Variants in SIM2 observed in about 807,000 individuals in gnomAD.
SIM2 encodes SIM bHLH transcription factor 2.
A neutral mutation model predicts 64.8 loss-of-function variants in SIM2; 28 were observed. That is an observed-to-expected ratio of 0.43 (90% confidence interval 0.32 to 0.59). SIM2 has a LOEUF of 0.59. Ranked by LOEUF, SIM2 falls within the 20% of genes least tolerant of loss-of-function variation. The pLI is 0.07. For synonymous variants in SIM2, 408 were observed against 391.1 expected (o/e 1.04, Z -0.51); for missense variants, 847 against 871.4 (o/e 0.97, Z 0.35).
In SIM2 at chr21:36,748,136, G is replaced by T; in HGVS notation, c.*44G>T. The T allele has an allele frequency of 9.0e-7, 1 of 1,105,122 alleles. No homozygotes were observed. The highest frequency in any genetic ancestry group is 3.9e-5 in the East Asian group (1 of 25,650). 68.5% of individuals were successfully genotyped at this position (1,105,122 alleles called of 1,614,324 possible). On this transcript the variant is annotated 3_prime_UTR_variant, in exon 11 of 11. Transcript: ENST00000290399. ...CAGGAGCCTGGACCCGGCCTCCCGG[G>T]GCTGCGGCGCCACCGAGCCCGGCAA...
chr21:36,747,738 C>T lies in SIM2; in HGVS notation c.1650C>T (p.Arg550=), dbSNP rs1262452596. 5 of 1,233,314 alleles carry T rather than the reference C, an allele frequency of 4.1e-6. No individual in the cohort carries two copies. The highest frequency in any genetic ancestry group is 5.1e-6 in the Non-Finnish European group (5 of 985,934). The allele number at this position is 1,233,314 out of a possible 1,614,324, so 76.4% of individuals were successfully genotyped here. The change falls in exon 11 of 11, where the codon CGC becomes CGT. Residue 550 remains arginine, a synonymous_variant. Transcript: ENST00000290399. This position sits in a 1 kb window ranked among gnomAD's most constrained non-coding sequence, Gnocchi z 4.5. ...GCTTCCCGAGCTGCGGCCACTACCGCGAGGAGCCCGCGCTGGGCCCGGCCA... is the reference window on the plus strand; with the variant it reads ...GCTTCCCGAGCTGCGGCCACTACCGTGAGGAGCCCGCGCTGGGCCCGGCCA... ...PPSFPSCGHY[R]EEPALGPAKA...
rs75177446 is a variant in SIM2, at chr21:36,741,909, C to G, written c.998+45C>G. 9.8e-4 allele frequency: 1,469 copies of G among 1,503,188 alleles called. 17 individuals carry two copies. In the African/African-American group the frequency reaches 0.018, roughly 19 times the overall value. The allele number at this position is 1,503,188 out of a possible 1,614,324, so 93.1% of individuals were successfully genotyped here. ...TTCTCTCCTTGCTCTTTTCTCTTCC[C>G]TGTCCCACATCGGATGGCTCCAATA... is the stretch of plus-strand genomic sequence containing the variant. On this transcript the variant is annotated intron_variant, in intron 8 of 10. Transcript: ENST00000290399.
chr21:36,724,024 C>A lies in SIM2; in HGVS notation c.543+894C>A, dbSNP rs181156888. On this transcript the variant is annotated intron_variant, in intron 5 of 10. Transcript: ENST00000290399. ...CTGAAAGCTGCCAGAAACTTTCTTCCAGGAGGATTTGTCTCTTAGAAAAGA... is the reference window on the plus strand; with the variant it reads ...CTGAAAGCTGCCAGAAACTTTCTTCAAGGAGGATTTGTCTCTTAGAAAAGA... 2.9e-3 allele frequency among the ~76,000 whole-genome samples: 447 copies of A among 152,310 alleles called. 2 individuals carry two copies. Among genetic ancestry groups the A allele is most frequent in the South Asian group, 9.1e-3 (44 of 4,828 alleles).
At position 36,742,587 on chromosome 21, in the gene SIM2, A is replaced by C. The variant is rs141465475; in HGVS notation, c.998+723A>C. On this transcript the variant is annotated intron_variant, in intron 8 of 10. Transcript: ENST00000290399. ...AATACTTTTAAGGCCATTAGAAGCAATAGGACAGATGTCTATCTGGGGCCA... is the reference window on the plus strand; with the variant it reads ...AATACTTTTAAGGCCATTAGAAGCACTAGGACAGATGTCTATCTGGGGCCA... Among the ~76,000 whole-genome samples, 165 of 152,228 alleles carry C rather than the reference A, an allele frequency of 1.1e-3. 1 individual carries two copies. The highest frequency in any genetic ancestry group is 3.8e-3 in the African/African-American group (157 of 41,524).
chr21:36,747,975 C>T lies in SIM2; in HGVS notation c.1887C>T (p.Pro629=), dbSNP rs1318964810. Residue 629 remains proline (P), a synonymous_variant, in exon 11 of 11, where the codon CCC becomes CCT. Transcript: ENST00000290399. The surrounding 1 kb of genome is among the most constrained non-coding windows in gnomAD (Gnocchi z 4.5). ...ASGLACAPGG[P]EAATGALRLR... ...GCCTGGCCTGCGCTCCCGGCGGCCC[C>T]GAGGCGGCGACCGGCGCGCTGCGGC... is the stretch of plus-strand genomic sequence containing the variant. The T allele has an allele frequency of 9.7e-6, 10 of 1,027,616 alleles. No individual in the cohort carries two copies. Among genetic ancestry groups the T allele is most frequent in the African/African-American group, 3.5e-5 (2 of 57,740 alleles). 63.7% of individuals were successfully genotyped at this position (1,027,616 alleles called of 1,614,324 possible). A position where few individuals can be genotyped will look rare whatever the true frequency, so the allele number is the denominator to read the frequency against.
Position 36,745,913 on chromosome 21 carries a change from A to C in SIM2, c.1576+777A>C, listed in dbSNP as rs2123510062. The C allele has an allele frequency of 7.8e-7, 1 of 1,284,176 alleles. No homozygotes were observed. Among genetic ancestry groups the C allele is most frequent in the Non-Finnish European group, 1.0e-6 (1 of 975,754 alleles). 79.5% of individuals were successfully genotyped at this position (1,284,176 alleles called of 1,614,324 possible). On this transcript the variant is annotated intron_variant, in intron 10 of 10. Transcript: ENST00000290399. The surrounding 1 kb of genome is among the most constrained non-coding windows in gnomAD (Gnocchi z 4.8). Reference sequence around the variant, plus strand: ...AAGGTGGGAACAGAGGTTTAGCTGCAGGACATGTATTCCCATTGCACCGAG... The same window carrying C: ...AAGGTGGGAACAGAGGTTTAGCTGCCGGACATGTATTCCCATTGCACCGAG...
intron 7 of SIM2, among the ~76,000 whole-genome samples, chr21:36,734,707 A>G (rs2089019615): frequency 6.6e-6 from 1 of 152,172 alleles, no homozygotes; most frequent in Non-Finnish European, 1.5e-5. Context: ...ACTCAACTGG[A>G]ATGTCACACG....
chr21:36,715,689 G>A (rs1450018144), intron 3 of SIM2, among the ~76,000 whole-genome samples: 3 of 152,138 alleles, frequency 2.0e-5, no homozygotes, highest in African/African-American at 7.2e-5. Context: ...CCCTAGATCT[G>A]CTATAATTGT....
At chr21:36,704,631 G>C (rs576228191) in intron 1 of SIM2, among the ~76,000 whole-genome samples, 1 of 152,302 alleles carries the variant, frequency 6.6e-6, no homozygotes, top group South Asian at 2.1e-4. Context: ...GCCTCCGGGC[G>C]GCTGTGGGTG....
At chr21:36,731,342 G>T (rs554853935) in intron 7 of SIM2, among the ~76,000 whole-genome samples, 191 bp downstream of exon 7, 9 of 151,138 alleles carry the variant, frequency 6.0e-5, no homozygotes, top group African/African-American at 1.7e-4. Flanking sequence ...TTCTCAAGCA[G>T]CCACGCGCAC....
chr21:36,738,535 G>C (rs1379088765), intron 7 of SIM2, among the ~76,000 whole-genome samples: 2 of 152,176 alleles, frequency 1.3e-5, no homozygotes. Flanking sequence ...AAAATCGCAA[G>C]TACTTCTATA....
intron 1 of SIM2, among the ~76,000 whole-genome samples, chr21:36,707,561 T>A (rs563258042): frequency 6.6e-6 from 1 of 152,188 alleles, no homozygotes; most frequent in Admixed American, 6.5e-5. Context: ...TTAAAGGTCA[T>A]CCCTTTTTAA....
chr21:36,703,256 G>C (rs916418531), intron 1 of SIM2, among the ~76,000 whole-genome samples: 2 of 152,178 alleles, frequency 1.3e-5, no homozygotes, highest in African/African-American at 4.8e-5. Context: ...CACCCCACTT[G>C]GTAGCCAGTT....
At chr21:36,736,530 A>G (rs1217939675) in intron 7 of SIM2, among the ~76,000 whole-genome samples, 1 of 152,106 alleles carries the variant, frequency 6.6e-6, no homozygotes, top group Non-Finnish European at 1.5e-5. Flanking sequence ...CAGAAACTTG[A>G]GCTTTGTGAG....
chr21:36,712,471 T>C, intron 2 of SIM2, 62 bp from the exon 3 acceptor site: 1 of 1,104,390 alleles, frequency 9.1e-7, no homozygotes, highest in Non-Finnish European at 1.4e-6. Context: ...GACTGTACCA[T>C]TGTTAGATTT....
intron 5 of SIM2, among the ~76,000 whole-genome samples, chr21:36,723,906 TCC>T (rs1160729749): frequency 6.6e-6 from 1 of 152,290 alleles, no homozygotes; most frequent in Admixed American, 6.5e-5. Flanking sequence ...AACACTTTTG[TCC>T]CCTCTCTGGG....
intron 3 of SIM2, among the ~76,000 whole-genome samples, chr21:36,717,023 G>A (rs190849426): frequency 6.6e-6 from 1 of 152,252 alleles, no homozygotes. Context: ...GTTATTTGAA[G>A]GCTGTTTCAC....
chr21:36,705,293 G>A (rs1305484827), intron 1 of SIM2, among the ~76,000 whole-genome samples: 1 of 152,194 alleles, frequency 6.6e-6, no homozygotes, highest in East Asian at 1.9e-4. Context: ...CTCCTCTCCC[G>A]CCACGCACAT....
In SIM2 at chr21:36,745,606, G is replaced by A; in HGVS notation, c.1576+470G>A. On this transcript the variant is annotated intron_variant, in intron 10 of 10. Transcript: ENST00000290399. The surrounding 1 kb of genome is among the most constrained non-coding windows in gnomAD (Gnocchi z 4.8). Reference sequence around the variant, plus strand: ...AACTATGGTGGAAATTTGTGGGCTTGGGGACAGAAATGCCACTCACCAACC... The same window carrying A: ...AACTATGGTGGAAATTTGTGGGCTTAGGGACAGAAATGCCACTCACCAACC... The A allele has an allele frequency of 8.9e-7, 1 of 1,126,188 alleles. No individual in the cohort carries two copies. Among genetic ancestry groups the A allele is most frequent in the South Asian group, 2.2e-5 (1 of 46,140 alleles). The allele number at this position is 1,126,188 out of a possible 1,614,324, so 69.8% of individuals were successfully genotyped here.
Sources: allele counts gnomAD v4.1 joint callset (sites outside exome capture counted in the v4.1 genomes callset), GRCh38; gene constraint gnomAD v4.1.1; non-coding constraint Gnocchi (gnomAD v3.1); transcripts MANE v1.5; gene names NCBI Gene and HGNC (gene_info 2026-07-23, HGNC 2026-07-21).